The following RHCG variants were observed in gnomAD, a reference collection of about 807,000 sequenced individuals.
RHCG encodes the protein Rh family C glycoprotein, also known as ammonium transporter Rh type C.
A neutral mutation model predicts 55.3 loss-of-function variants in RHCG; 39 were observed. That is an observed-to-expected ratio of 0.70 (90% CI 0.55 to 0.92). The LOEUF (loss-of-function observed/expected upper bound fraction) is 0.92, where lower values mean the gene tolerates loss of function less well. Ranked by LOEUF, RHCG falls within the 40% of genes least tolerant of loss-of-function variation. RHCG has a pLI of 0.00. For synonymous variants in RHCG, 250 were observed against 246.8 expected, an observed-to-expected ratio of 1.01 and a Z score of -0.12; for missense variants, 635 against 627.9, an observed-to-expected ratio of 1.01 and a Z score of -0.12.
In RHCG at chr15:89,472,801, G is replaced by T; in HGVS notation, c.1374C>A (p.Pro458=). 6.4e-7 allele frequency: 1 copy of T among 1,559,170 alleles called. No individual in the cohort carries two copies. The highest frequency in any genetic ancestry group is 2.4e-5 in the East Asian group (1 of 41,238). Residue 458 remains proline (P), a synonymous_variant, in exon 10 of 11, where the codon CCC becomes CCA. Coordinates refer to ENST00000268122, the MANE Select transcript of RHCG (RefSeq NM_016321.3). ...ACACCATGGGTACTGAGGGTACTGA[G>T]GGTCCTGAGGGCTTGAAGGTGGGGT... ...PEDPTFKPSG[P]SVPSVPMVSP...
intron 2 of RHCG, chr15:89,486,597 A>AGTGTGTGTGTGT (rs1441361243): frequency 2.9e-4 from 94 of 327,178 alleles, no homozygotes; most frequent in African/African-American, 2.3e-3. Flanking sequence ...AGAGAGAGAG[A>AGTGTGTGTGTGT]GAGTGTGTGT....
chr15:89,492,669 A>G (rs1961498019), intron 1 of RHCG, among the ~76,000 whole-genome samples: 1 of 152,208 alleles, frequency 6.6e-6, no homozygotes, highest in Non-Finnish European at 1.5e-5. Flanking sequence ...CATTACCTCC[A>G]TCATAAAATG....
chr15:89,483,166 T>A lies in RHCG; in HGVS notation c.423A>T (p.Ala141=), dbSNP rs1266298973. 5 of 1,599,308 alleles carry A rather than the reference T, an allele frequency of 3.1e-6. No homozygotes were observed. The Admixed American group carries it at 8.4e-5, about 27-fold the overall frequency. ...GAATGGGGCTGACTTTACCCAGAAC[T>A]GCCCCAAAGGCCACGCAGACAGAGG... is the stretch of plus-strand genomic sequence containing the variant. ...CVASVCVAFG[A]VLGKVSPIQL... The change falls in exon 3 of 11, where the codon GCA becomes GCT. Residue 141 remains alanine, a synonymous_variant. Coordinates refer to ENST00000268122, the MANE Select transcript of RHCG (RefSeq NM_016321.3).
At chr15:89,472,659 G>T (rs1961059747) in intron 10 of RHCG, 52 bp downstream of exon 10, 1 of 1,533,730 alleles carries the variant, frequency 6.5e-7, no homozygotes, top group Non-Finnish European at 8.9e-7. Flanking sequence ...TGAGAGCTGG[G>T]CCCCCACTGG....
At chr15:89,473,489 C>A (rs1471403880) in intron 9 of RHCG, among the ~76,000 whole-genome samples, 1 of 152,206 alleles carries the variant, frequency 6.6e-6, no homozygotes, top group East Asian at 1.9e-4. Flanking sequence ...AGTGTTCCTT[C>A]CATTGGCACA....
chr15:89,479,584 T>A (rs1463538452), intron 4 of RHCG, 96 bp from the exon 5 acceptor site: 15 of 1,137,970 alleles, frequency 1.3e-5, no homozygotes, highest in Non-Finnish European at 1.9e-5. Context: ...GCTCTAGAGA[T>A]GACCCCACAC....
Position 89,477,841 on chromosome 15 carries a change from A to C in RHCG, c.971T>G (p.Leu324Arg). Residue 324 changes from leucine (L) to arginine (R), a missense_variant, in exon 6 of 11, where the codon CTG (leucine) becomes CGG (arginine). By Grantham distance (102) the Leu-to-Arg change is moderately radical (BLOSUM62 -2). Coordinates refer to ENST00000268122, the MANE Select transcript of RHCG (RefSeq NM_016321.3). The surrounding 1 kb of genome is among the most constrained non-coding windows in gnomAD (Gnocchi z 4.5). The stretch of plus-strand genomic sequence containing the variant: ...CCCCTTGCCTGGGGCACTTACGGTC[A>C]GGTATACAAAACCCAGGGTGGAGAT... ...GIISTLGFVY[L>R]TPFLESRLHI... 2 of 1,614,112 alleles carry C rather than the reference A, an allele frequency of 1.2e-6. No individual in the cohort carries two copies. Among genetic ancestry groups the C allele is most frequent in the Non-Finnish European group, 1.7e-6 (2 of 1,179,998 alleles).
intron 1 of RHCG, among the ~76,000 whole-genome samples, chr15:89,491,049 G>A (rs1308289249): frequency 6.6e-6 from 1 of 152,206 alleles, no homozygotes; most frequent in Non-Finnish European, 1.5e-5. Flanking sequence ...TCGATGAGAA[G>A]GGTGTCAGTT....
intron 2 of RHCG, among the ~76,000 whole-genome samples, chr15:89,485,325 CG>C (rs1567227393): frequency 6.6e-6 from 1 of 152,142 alleles, no homozygotes; most frequent in African/African-American, 2.4e-5. Context: ...TTTTGAACTT[CG>C]GGGTGATATG....
At chr15:89,496,322 G>T (rs1382558543) in intron 1 of RHCG, 39 bp downstream of exon 1, 1 of 1,608,778 alleles carries the variant, frequency 6.2e-7, no homozygotes, top group Non-Finnish European at 8.5e-7. Context: ...GGACCGGCGC[G>T]GATATGCCTC....
chr15:89,474,992 G>GCCTTCCTTCCTTCCTGCCCGCCTT (rs1961114933), intron 9 of RHCG, among the ~76,000 whole-genome samples: 1 of 102,972 alleles, frequency 9.7e-6, no homozygotes, highest in African/African-American at 4.6e-5. Flanking sequence ...CTGCCTGCCT[G>GCCTTCCTTCCTTCCTGCCCGCCTT]CCTTCCTTCC....
chr15:89,496,372 T>C lies in RHCG; in HGVS notation c.173A>G (p.Tyr58Cys), dbSNP rs1961566358. The part of the protein sequence containing the change: ...NLSDMENEFY[Y>C]RYPSFQDVHV... ...GCGGCGAGACTTACTTGGGTAGCGA[T>C]AGTAGAATTCGTTCTCCATGTCGCT... Residue 58 changes from tyrosine to cysteine, a missense_variant, in exon 1 of 11, where the codon TAT (tyrosine) becomes TGT (cysteine). Transcript: ENST00000268122. 2 of 1,613,774 alleles carry C rather than the reference T, an allele frequency of 1.2e-6. No homozygotes were observed. The highest frequency in any genetic ancestry group is 3.3e-5 in the Admixed American group (2 of 60,012).
chr15:89,494,527 T>A (rs1961531048), intron 1 of RHCG, among the ~76,000 whole-genome samples: 1 of 152,048 alleles, frequency 6.6e-6, no homozygotes, highest in South Asian at 2.1e-4. Context: ...GGTGGGCAAG[T>A]GTGGTGCGAG....
In RHCG at chr15:89,477,967, A is replaced by ATG; in HGVS notation, c.843_844dup (p.Ile282ThrfsTer19). 1 of 1,607,288 alleles carries ATG rather than the reference A, an allele frequency of 6.2e-7. No individual in the cohort carries two copies. The highest frequency in any genetic ancestry group is 8.5e-7 in the Non-Finnish European group (1 of 1,175,444). Reference sequence around the variant, plus strand: ...CCCTCCTGCGAGCGTGGCATTCTGGATGTGCACCTGGGCAGGGCAGGCAGA... The same window carrying ATG: ...CCCTCCTGCGAGCGTGGCATTCTGGATGTGTGCACCTGGGCAGGGCAGGCAGA... On this transcript the variant is annotated frameshift_variant, in exon 6 of 11. Coordinates refer to ENST00000268122, the MANE Select transcript of RHCG (RefSeq NM_016321.3). LOFTEE classifies it high-confidence loss of function. The surrounding 1 kb of genome is among the most constrained non-coding windows in gnomAD (Gnocchi z 4.5).
At chr15:89,482,761 G>A (rs779777104) in intron 3 of RHCG, among the ~76,000 whole-genome samples, 2 of 152,222 alleles carry the variant, frequency 1.3e-5, no homozygotes, top group Non-Finnish European at 2.9e-5. Context: ...TGTGGTATGT[G>A]TGCAAGAGTA....
At chr15:89,478,505 G>A (rs750107660) in intron 5 of RHCG, among the ~76,000 whole-genome samples, 5 of 152,186 alleles carry the variant, frequency 3.3e-5, no homozygotes, top group African/African-American at 4.8e-5. Context: ...TGCAGATGGC[G>A]AAACTGAGGT....
chr15:89,482,786 C>A lies in RHCG; in HGVS notation c.522+281G>T, dbSNP rs189149675. The stretch of plus-strand genomic sequence containing the variant: ...GTGCAAGAGTATGTGCAGGGATATC[C>A]TATTCATTCCATGTGATGTGTGGGA... On this transcript the variant is annotated intron_variant, in intron 3 of 10. Coordinates refer to ENST00000268122, the MANE Select transcript of RHCG (RefSeq NM_016321.3). 2.5e-3 allele frequency among the ~76,000 whole-genome samples: 382 copies of A among 152,280 alleles called. 1 individual carries two copies. Among genetic ancestry groups the A allele is most frequent in the African/African-American group, 8.7e-3 (363 of 41,550 alleles).
chr15:89,496,457 C>T lies in RHCG; in HGVS notation c.88G>A (p.Val30Met), dbSNP rs746232849. Reference protein sequence around the residue: ...VIMVILFGVFVRYDFEADAHW... With the variant: ...VIMVILFGVFMRYDFEADAHW... The stretch of plus-strand genomic sequence containing the variant: ...GCGTCGGCCTCGAAGTCGTAGCGCA[C>T]GAACACCCCGAAGAGAATCACCATA... The change falls in exon 1 of 11, where the codon GTG becomes ATG. Residue 30 changes from valine to methionine, a missense_variant. Physicochemically the swap from Val to Met is conservative, Grantham distance 21. Transcript: ENST00000268122. 6 of 1,614,022 alleles carry T rather than the reference C, an allele frequency of 3.7e-6. No homozygotes were observed. Among genetic ancestry groups the T allele is most frequent in the Non-Finnish European group, 5.1e-6 (6 of 1,179,974 alleles).
rs1189423740 is a variant in RHCG, at chr15:89,477,932, C to T, written c.880G>A (p.Gly294Ser). 6.2e-7 allele frequency: 1 copy of T among 1,612,796 alleles called. No homozygotes were observed. The highest frequency in any genetic ancestry group is 1.1e-5 in the South Asian group (1 of 90,944). The part of the protein sequence containing the change: ...NATLAGGVAV[G>S]TAAEMMLMPY... ...ATGAGCATCATCTCAGCAGCGGTAC[C>T]CACGGCCACCCCTCCTGCGAGCGTG... The change falls in exon 6 of 11, where the codon GGT becomes AGT. Residue 294 changes from glycine (G) to serine (S), a missense_variant. Coordinates refer to ENST00000268122, the MANE Select transcript of RHCG (RefSeq NM_016321.3). The surrounding 1 kb of genome is among the most constrained non-coding windows in gnomAD (Gnocchi z 4.5).
Sources: gnomAD v4.1 joint callset for allele counts (sites outside exome capture counted in the v4.1 genomes callset) on GRCh38, gnomAD v4.1.1 for gene constraint, Gnocchi (gnomAD v3.1) non-coding constraint, MANE v1.5 for transcripts, NCBI Gene and HGNC (gene_info 2026-07-23, HGNC 2026-07-21) for gene names.